The following COIL variants were observed in gnomAD, a reference collection of about 807,000 sequenced individuals.
COIL encodes the protein coilin.
COIL carries 28 observed loss-of-function variants against 51.6 expected under a neutral mutation model. The ratio of observed to expected loss-of-function variants is 0.54; its 90% CI spans 0.40 to 0.74. COIL has a LOEUF of 0.74. Ranked by LOEUF, COIL falls within the 30% of genes least tolerant of loss-of-function variation. The pLI, the probability that COIL is intolerant of heterozygous loss-of-function variation, is 0.00. For synonymous variants in COIL, 233 were observed against 255.8 expected (o/e 0.91, Z 0.85); for missense variants, 667 against 685.9 (o/e 0.97, Z 0.31).
Position 56,950,246 on chromosome 17 carries a change from G to T in COIL, c.996C>A (p.Ser332Arg), listed in dbSNP as rs1021280708. 1.9e-6 allele frequency: 3 copies of T among 1,614,102 alleles called. No individual in the cohort carries two copies. The African/African-American group carries it at 4.0e-5, about 22-fold the overall frequency. The stretch of plus-strand genomic sequence containing the variant: ...AGAAACCCGCAGCACACTCCGGGGT[G>T]CTCGATGACATCAAGCATTGGTCGT... The part of the protein sequence containing the change: ...ESDDQCLMSS[S>R]TPECAAGFLK... The change falls in exon 2 of 7, where the codon AGC (serine) becomes AGA (arginine). Residue 332 changes from serine (S) to arginine (R), a missense_variant. Ser to Arg is a moderately radical substitution (Grantham distance 110). Transcript: ENST00000240316.
intron 1 of COIL, chr17:56,952,460 G>T: frequency 2.9e-6 from 1 of 339,844 alleles, no homozygotes; most frequent in Non-Finnish European, 5.6e-6. Context: ...ATTATGCTGG[G>T]AGTATGTGCA....
At chr17:56,944,569 C>T (rs774444609) in intron 5 of COIL, among the ~76,000 whole-genome samples, 1 of 150,650 alleles carries the variant, frequency 6.6e-6, no homozygotes, top group Non-Finnish European at 1.5e-5. Flanking sequence ...CCAGCCTGGA[C>T]AACAGAGTGA....
intron 1 of COIL, among the ~76,000 whole-genome samples, chr17:56,959,190 C>G (rs1183481609): frequency 6.6e-6 from 1 of 151,886 alleles, no homozygotes; most frequent in African/African-American, 2.4e-5. Flanking sequence ...ACAACAAATA[C>G]AAAAATTAGC....
At chr17:56,952,131 AATG>A in intron 1 of COIL, 1 of 449,142 alleles carries the variant, frequency 2.2e-6, no homozygotes. Flanking sequence ...TTCTAACTAT[AATG>A]ATGAAGCATG....
At chr17:56,941,920 A>T in intron 6 of COIL, 115 bp downstream of exon 6, 1 of 828,846 alleles carries the variant, frequency 1.2e-6, no homozygotes, top group East Asian at 2.5e-5. Context: ...TTGCCACACC[A>T]TAAGAAGGTC....
At chr17:56,949,276 G>A in intron 4 of COIL, 111 bp downstream of exon 4, 3 of 767,196 alleles carry the variant, frequency 3.9e-6, no homozygotes, top group Admixed American at 3.3e-5. Context: ...CTACTTTCTG[G>A]CATTTTTATT....
At chr17:56,948,846 A>T (rs1910301684) in intron 4 of COIL, among the ~76,000 whole-genome samples, 1 of 151,208 alleles carries the variant, frequency 6.6e-6, no homozygotes, top group Non-Finnish European at 1.5e-5. Flanking sequence ...CAAATATGTA[A>T]AATAGATTCC....
intron 6 of COIL, among the ~76,000 whole-genome samples, chr17:56,939,696 C>T (rs1448969982): frequency 2.6e-5 from 4 of 152,040 alleles, no homozygotes; most frequent in East Asian, 3.9e-4. Flanking sequence ...GCGGAGATCG[C>T]GCCACTGCAC....
At chr17:56,939,267 T>C (rs1053086200) in intron 6 of COIL, 113 bp from the exon 7 acceptor site, 4 of 670,988 alleles carry the variant, frequency 6.0e-6, no homozygotes, top group East Asian at 2.7e-5. Flanking sequence ...CGGGAATAAT[T>C]TGGGTTCCAA....
chr17:56,958,327 G>A (rs190085629), intron 1 of COIL, among the ~76,000 whole-genome samples: 2 of 152,216 alleles, frequency 1.3e-5, no homozygotes, highest in African/African-American at 4.8e-5. Context: ...TGGGTACTTT[G>A]AGAATAGAGA....
In COIL at chr17:56,950,915, T is replaced by G; in HGVS notation, c.327A>C (p.Ala109=). 6.2e-7 allele frequency: 1 copy of G among 1,613,792 alleles called. No individual in the cohort carries two copies. Among genetic ancestry groups the G allele is most frequent in the Non-Finnish European group, 8.5e-7 (1 of 1,180,024 alleles). The change falls in exon 2 of 7, where the codon GCA becomes GCC. Residue 109 remains alanine (A), a synonymous_variant. Coordinates refer to ENST00000240316, the MANE Select transcript of COIL (RefSeq NM_004645.3). ...NGDINLSLRK[A]KKRAFQLEEG... is the part of the protein sequence containing the mutation. The stretch of plus-strand genomic sequence containing the variant: ...CCTCTAACTGAAATGCCCGCTTCTT[T>G]GCTTTTCTAAGAGATAAATTAATGT...
chr17:56,942,202 T>C, intron 5 of COIL, 79 bp from the exon 6 acceptor site: 1 of 1,155,418 alleles, frequency 8.7e-7, no homozygotes, highest in Non-Finnish European at 1.3e-6. Context: ...GGAATTTATA[T>C]CATTAAGAAA....
chr17:56,949,609 C>T (rs1290217354), intron 3 of COIL, 72 bp downstream of exon 3: 19 of 1,473,348 alleles, frequency 1.3e-5, no homozygotes, highest in Non-Finnish European at 1.8e-5. Context: ...CACATTTAAC[C>T]TGATTTTCTA....
chr17:56,958,770 G>A (rs1910527131), intron 1 of COIL, among the ~76,000 whole-genome samples: 2 of 151,960 alleles, frequency 1.3e-5, no homozygotes, highest in African/African-American at 2.4e-5. Context: ...AGAGAATAGA[G>A]ACCTATTTCA....
At chr17:56,943,017 T>C (rs772581811) in intron 5 of COIL, among the ~76,000 whole-genome samples, 1 of 152,224 alleles carries the variant, frequency 6.6e-6, no homozygotes, top group Non-Finnish European at 1.5e-5. Context: ...ATGAGTACAC[T>C]GTAATTACAT....
Position 56,950,145 on chromosome 17 carries a change from C to G in COIL, c.1097G>C (p.Gly366Ala). 1.2e-6 allele frequency: 2 copies of G among 1,614,182 alleles called. No homozygotes were observed. Among genetic ancestry groups the G allele is most frequent in the East Asian group, 2.2e-5 (1 of 44,890 alleles). Reference protein sequence around the residue: ...GLSSQTAGAAGWRRSGSNGGG... With the variant: ...GLSSQTAGAAAWRRSGSNGGG... The stretch of plus-strand genomic sequence containing the variant: ...ACCATTTGAGCCAGAACGCCTCCAT[C>G]CAGCAGCACCTGCAGTCTGTGATGA... Residue 366 changes from glycine (G) to alanine (A), a missense_variant, in exon 2 of 7, where the codon GGA (glycine) becomes GCA (alanine). Transcript: ENST00000240316.
At chr17:56,939,207 C>T (rs756929139) in intron 6 of COIL, 53 bp from the exon 7 acceptor site, 9 of 950,222 alleles carry the variant, frequency 9.5e-6, no homozygotes, top group Admixed American at 3.8e-5. Context: ...GAGGTCATAC[C>T]GGTTAATTCA....
intron 1 of COIL, among the ~76,000 whole-genome samples, chr17:56,957,299 TA>T (rs1000085362): frequency 1.1e-4 from 16 of 150,660 alleles, no homozygotes; most frequent in African/African-American, 2.4e-4. Flanking sequence ...GCTGCACGAT[TA>T]AAAAAAATTT....
At chr17:56,952,922 C>A (rs542666361) in intron 1 of COIL, among the ~76,000 whole-genome samples, 1 of 152,222 alleles carries the variant, frequency 6.6e-6, no homozygotes, top group South Asian at 2.1e-4. Context: ...CTAGTATGTG[C>A]AGTCTGATGA....
Sources: allele counts gnomAD v4.1 joint callset (sites outside exome capture counted in the v4.1 genomes callset), GRCh38; gene constraint gnomAD v4.1.1; transcripts MANE v1.5; gene names NCBI Gene and HGNC (gene_info 2026-07-23, HGNC 2026-07-21).